The following PTPRJ variants were observed in gnomAD, a reference collection of about 807,000 sequenced individuals.
PTPRJ encodes receptor-type tyrosine-protein phosphatase eta.
Under a neutral mutation model 141.3 loss-of-function variants are expected in PTPRJ, and 129 were observed. The observed-to-expected ratio is 0.91, with a 90% CI of 0.79 to 1.06. The LOEUF (loss-of-function observed/expected upper bound fraction) is 1.06. Among genes scored for constraint, PTPRJ ranks in the 50% least tolerant of loss-of-function variants. PTPRJ has a pLI of 0.00. For missense variants in PTPRJ, 1,601 were observed against 1,679.7 expected, an observed-to-expected ratio of 0.95 and a Z score of 0.82; for synonymous variants, 610 against 640.5, an observed-to-expected ratio of 0.95 and a Z score of 0.72.
chr11:48,131,154 T>G (rs1220247510), intron 8 of PTPRJ, among the ~76,000 whole-genome samples: 1 of 138,900 alleles, frequency 7.2e-6, no homozygotes. Flanking sequence ...CTTGGCTCAC[T>G]GCAACCTCCA....
chr11:48,132,304 G>A (rs906294172), intron 8 of PTPRJ: 11 of 982,150 alleles, frequency 1.1e-5, no homozygotes, highest in Non-Finnish European at 1.3e-5. Context: ...GAGAGGCTGC[G>A]GCAGGAGGAT....
intron 1 of PTPRJ, among the ~76,000 whole-genome samples, chr11:47,989,028 C>T (rs1397630616): frequency 8.5e-4 from 128 of 150,730 alleles, no homozygotes; most frequent in African/African-American, 2.6e-3. Flanking sequence ...GGACTACAGG[C>T]GCCCGCCACC....
chr11:48,123,589 A>G (rs1471974858), intron 4 of PTPRJ, 24 bp from the exon 5 acceptor site: 1 of 1,606,040 alleles, frequency 6.2e-7, no homozygotes, highest in East Asian at 2.2e-5. Flanking sequence ...TGTTCCATTA[A>G]TGCATGTTGT....
chr11:48,112,698 C>T lies in PTPRJ; in HGVS notation c.116-49C>T. 8 of 1,403,308 alleles carry T rather than the reference C, an allele frequency of 5.7e-6. No homozygotes were observed. In the South Asian group the frequency reaches 5.9e-5, roughly 10 times the overall value. The allele number at this position is 1,403,308 out of a possible 1,614,324, so 86.9% of individuals were successfully genotyped here. ...ATTTTGTGAGGTGGGGCATCCCTGT[C>T]TCCTGGAGAAATATATTTTTAATCT... On this transcript the variant is annotated intron_variant, in intron 2 of 24. Coordinates refer to ENST00000418331, the MANE Select transcript of PTPRJ (RefSeq NM_002843.4).
intron 19 of PTPRJ, among the ~76,000 whole-genome samples, 165 bp downstream of exon 19, chr11:48,154,051 A>G (rs112034434): frequency 1.3e-5 from 2 of 152,226 alleles, no homozygotes; most frequent in African/African-American, 4.8e-5. Flanking sequence ...TGTGCTAAGC[A>G]CTATATTTAG....
rs1281584913 is a variant in PTPRJ at position 48,144,853 on chromosome 11, C to T, written c.2754C>T (p.Tyr918=). The part of the protein sequence containing the change: ...VGNESTTLGY[Y]NGKLEPLGSY... Reference sequence around the variant, plus strand: ...ATGAGTCAACCACACTTGGTTATTACAATGGGAAGCTGGAACCTCTGGGCT... The same window carrying T: ...ATGAGTCAACCACACTTGGTTATTATAATGGGAAGCTGGAACCTCTGGGCT... The change falls in exon 13 of 25, where the codon TAC becomes TAT. Residue 918 remains tyrosine, a synonymous_variant. Transcript: ENST00000418331. 6.2e-7 allele frequency: 1 copy of T among 1,614,190 alleles called. No individual in the cohort carries two copies. Among genetic ancestry groups the T allele is most frequent in the African/African-American group, 1.3e-5 (1 of 75,044 alleles).
chr11:48,066,876 G>A (rs1042155037), intron 1 of PTPRJ, among the ~76,000 whole-genome samples: 31 of 152,172 alleles, frequency 2.0e-4, no homozygotes, highest in Admixed American at 4.6e-4. Context: ...GTGAGCCACC[G>A]CCCCCAGCCT....
At chr11:48,134,514 T>C (rs12272503) in intron 8 of PTPRJ, among the ~76,000 whole-genome samples, 2,415 of 152,294 alleles carry the variant, frequency 0.016, 65 homozygotes, top group African/African-American at 0.055. Flanking sequence ...GTGGCTTCTC[T>C]GTAAGGAGAA....
intron 1 of PTPRJ, among the ~76,000 whole-genome samples, chr11:48,068,271 A>G (rs552281347): frequency 3.7e-4 from 57 of 152,306 alleles, no homozygotes; most frequent in Admixed American, 1.3e-3. Flanking sequence ...AGATGAAAAG[A>G]CATTGCTATG....
chr11:48,106,763 C>CTTTTT (rs35643138), intron 1 of PTPRJ, among the ~76,000 whole-genome samples: 49 of 86,422 alleles, frequency 5.7e-4, no homozygotes, highest in African/African-American at 1.7e-3. Flanking sequence ...TTCTTTCTTT[C>CTTTTT]TTTTTTTTTT....
intron 10 of PTPRJ, among the ~76,000 whole-genome samples, chr11:48,138,421 A>T (rs555962919): frequency 6.6e-6 from 1 of 152,298 alleles, no homozygotes; most frequent in African/African-American, 2.4e-5. Context: ...TGCAGTGTTC[A>T]GGTTACCTTT....
intron 15 of PTPRJ, among the ~76,000 whole-genome samples, chr11:48,149,087 T>G (rs989116456): frequency 6.6e-6 from 1 of 152,222 alleles, no homozygotes; most frequent in African/African-American, 2.4e-5. Flanking sequence ...TTTATTGCAT[T>G]CATTTATCAG....
chr11:48,099,785 GC>G (rs1313448576), intron 1 of PTPRJ, among the ~76,000 whole-genome samples: 1 of 152,186 alleles, frequency 6.6e-6, no homozygotes, highest in African/African-American at 2.4e-5. Context: ...GGATGGGTTT[GC>G]CTTGAATTTG....
At chr11:48,046,400 C>T (rs1290949906) in intron 1 of PTPRJ, 1 of 152,150 alleles carries the variant, frequency 6.6e-6, no homozygotes, top group Non-Finnish European at 1.5e-5. Context: ...GCTAATATCT[C>T]TGTCTTATAG....
chr11:48,047,008 TG>T (rs1251533724), intron 1 of PTPRJ, among the ~76,000 whole-genome samples: 1 of 146,374 alleles, frequency 6.8e-6, no homozygotes, highest in Non-Finnish European at 1.5e-5. Flanking sequence ...CTCTGCCTCC[TG>T]GGTTTAAGTG....
At chr11:48,089,766 A>G (rs1440248294) in intron 1 of PTPRJ, among the ~76,000 whole-genome samples, 1 of 152,338 alleles carries the variant, frequency 6.6e-6, no homozygotes, top group Non-Finnish European at 1.5e-5. Context: ...AGCTGTTCAC[A>G]GTAAATGGAA....
At position 48,158,078 on chromosome 11, in the gene PTPRJ, G is replaced by A. The variant is rs1857656682; in HGVS notation, c.3439-1852G>A. The stretch of plus-strand genomic sequence containing the variant: ...GAGGCAGGAGAATGGCCTGAACCCA[G>A]GAGGCGGAGGTTGCAGTGAGCCAAG... On this transcript the variant is annotated intron_variant, in intron 21 of 24. Transcript: ENST00000418331. This position sits in a 1 kb window ranked among gnomAD's most constrained non-coding sequence, Gnocchi z 4.4. Among the ~76,000 whole-genome samples, 1 of 152,186 alleles carries A rather than the reference G, an allele frequency of 6.6e-6. No homozygotes were observed. Among genetic ancestry groups the A allele is most frequent in the Admixed American group, 6.5e-5 (1 of 15,282 alleles).
At chr11:48,017,490 AT>A (rs1854981652) in intron 1 of PTPRJ, among the ~76,000 whole-genome samples, 2 of 152,252 alleles carry the variant, frequency 1.3e-5, no homozygotes, top group African/African-American at 4.8e-5. Context: ...TGTCTGTGTT[AT>A]AAGAGTGACA....
At chr11:48,069,201 G>A (rs1439124426) in intron 1 of PTPRJ, among the ~76,000 whole-genome samples, 2 of 151,796 alleles carry the variant, frequency 1.3e-5, no homozygotes, top group East Asian at 1.9e-4. Context: ...CCGGGATAAA[G>A]CGATTCTCCT....
Sources: allele counts gnomAD v4.1 joint callset (sites outside exome capture counted in the v4.1 genomes callset), GRCh38; gene constraint gnomAD v4.1.1; non-coding constraint Gnocchi (gnomAD v3.1); transcripts MANE v1.5; gene names NCBI Gene and HGNC (gene_info 2026-07-23, HGNC 2026-07-21).